TSPAN9: variants seen among roughly 807,000 people sequenced by gnomAD.
TSPAN9 encodes tetraspanin-9.
TSPAN9 carries 16 observed loss-of-function variants against 31.0 expected under a neutral mutation model. The ratio of observed to expected loss-of-function variants is 0.52; its 90% CI spans 0.35 to 0.78. The LOEUF (loss-of-function observed/expected upper bound fraction) is 0.78, where lower values mean the gene tolerates loss of function less well. Among genes scored for constraint, TSPAN9 ranks in the 30% least tolerant of loss-of-function variants. The pLI, the probability that TSPAN9 is intolerant of heterozygous loss-of-function variation, is 0.01. For synonymous variants in TSPAN9, 145 were observed against 121.6 expected (o/e 1.19, Z -1.27); for missense variants, 272 against 312.5 (o/e 0.87, Z 0.98).
chr12:3,209,653 AT>A (rs2098377289), intron 3 of TSPAN9, among the ~76,000 whole-genome samples: 1 of 151,776 alleles, frequency 6.6e-6, no homozygotes, highest in Non-Finnish European at 1.5e-5. Flanking sequence ...GCAATGTCAG[AT>A]TGCTATAAAC....
intron 2 of TSPAN9, among the ~76,000 whole-genome samples, chr12:3,190,512 C>T (rs988257694): frequency 6.6e-6 from 1 of 152,218 alleles, no homozygotes; most frequent in East Asian, 1.9e-4. Context: ...GTGGCTCTTA[C>T]TCCAGGCCCT....
At chr12:3,223,426 G>T (rs3825358) in intron 3 of TSPAN9, among the ~76,000 whole-genome samples, 8,767 of 152,258 alleles carry the variant, frequency 0.058, 339 homozygotes, top group Middle Eastern at 0.078. Flanking sequence ...TGTGGGACAG[G>T]GACCTCGTTT....
intron 8 of TSPAN9, chr12:3,282,235 C>G: frequency 1.8e-6 from 1 of 559,052 alleles, no homozygotes; most frequent in African/African-American, 1.9e-5. Flanking sequence ...TCCTGCACTC[C>G]TCTGGGTCCC....
intron 3 of TSPAN9, among the ~76,000 whole-genome samples, chr12:3,218,563 G>A (rs988533049): frequency 6.6e-6 from 1 of 152,214 alleles, no homozygotes; most frequent in Non-Finnish European, 1.5e-5. Context: ...GGGCCTGGCT[G>A]CCTTCCTGAG....
rs187635684 is a variant in TSPAN9, at chr12:3,153,682, T to A, written c.-17-47495T>A. 3.9e-5 allele frequency among the ~76,000 whole-genome samples: 6 copies of A among 152,312 alleles called. No homozygotes were observed. In the East Asian group the frequency reaches 1.2e-3, roughly 29 times the overall value. On this transcript the variant is annotated intron_variant, in intron 2 of 8. Coordinates refer to ENST00000011898, the MANE Select transcript of TSPAN9 (RefSeq NM_006675.5). The stretch of plus-strand genomic sequence containing the variant: ...GCACTAATACATTAATATGTTAATA[T>A]TATATATATGTGTGTGCGTGTGTGT...
In TSPAN9 at chr12:3,280,585, C is replaced by T. The variant is rs1862875839; in HGVS notation, c.432+102C>T. ...TGACCTGGCCGGGCACCTGTGCTTT[C>T]TGGATTTTAGCCGGGAGTGGAGTGG... On this transcript the variant is annotated intron_variant, in intron 6 of 8. Coordinates refer to ENST00000011898, the MANE Select transcript of TSPAN9 (RefSeq NM_006675.5). This position sits in a 1 kb window ranked among gnomAD's most constrained non-coding sequence, Gnocchi z 4.5. 2 of 1,134,948 alleles carry T rather than the reference C, an allele frequency of 1.8e-6. No homozygotes were observed. Among genetic ancestry groups the T allele is most frequent in the South Asian group, 2.7e-5 (2 of 73,402 alleles). The allele number at this position is 1,134,948 out of a possible 1,614,324, so 70.3% of individuals were successfully genotyped here. A position where few individuals can be genotyped will look rare whatever the true frequency, so the allele number is the denominator to read the frequency against.
chr12:3,269,113 T>C (rs879143310), intron 3 of TSPAN9, among the ~76,000 whole-genome samples: 2 of 42,784 alleles, frequency 4.7e-5, no homozygotes, highest in Admixed American at 2.4e-4. Context: ...GCCCTCCCTG[T>C]GTTCCTGCAG....
rs57009657 is a variant in TSPAN9, at chr12:3,107,116, C to T, written c.-18+23397C>T. On this transcript the variant is annotated intron_variant, in intron 2 of 8. Transcript: ENST00000011898. The surrounding 1 kb of genome is among the most constrained non-coding windows in gnomAD (Gnocchi z 4.1). Reference sequence around the variant, plus strand: ...CCGCCACCACCACCACTGCTGCCACCGCAGAGCACGAAATCATCACGGGGC... The same window carrying T: ...CCGCCACCACCACCACTGCTGCCACTGCAGAGCACGAAATCATCACGGGGC... Among the ~76,000 whole-genome samples the T allele has an allele frequency of 0.11, 16,813 of 152,168 alleles. 1,154 individuals carry two copies. Among genetic ancestry groups the T allele is most frequent in the East Asian group, 0.35 (1,811 of 5,152 alleles).
At chr12:3,253,842 C>T (rs569668191) in intron 3 of TSPAN9, among the ~76,000 whole-genome samples, 1 of 152,318 alleles carries the variant, frequency 6.6e-6, no homozygotes, top group East Asian at 1.9e-4. Context: ...GTGTGCCCTC[C>T]TGGCCAGGCA....
intron 2 of TSPAN9, among the ~76,000 whole-genome samples, chr12:3,189,894 G>A (rs181169059): frequency 2.3e-4 from 35 of 152,230 alleles, no homozygotes; most frequent in Admixed American, 3.9e-4. Context: ...AATGCACTGC[G>A]GGCCTTCGAG....
chr12:3,127,359 AAT>A (rs2098327800), intron 2 of TSPAN9, among the ~76,000 whole-genome samples: 1 of 148,770 alleles, frequency 6.7e-6, no homozygotes. Context: ...TTTAAAGAAA[AAT>A]TTTTTTTTTT....
intron 2 of TSPAN9, among the ~76,000 whole-genome samples, chr12:3,087,773 C>G (rs1423951353): frequency 6.6e-6 from 1 of 152,098 alleles, no homozygotes; most frequent in Non-Finnish European, 1.5e-5. Context: ...CCACTGCACT[C>G]CAGCCTGGGC....
At chr12:3,184,901 C>T (rs973994820) in intron 2 of TSPAN9, among the ~76,000 whole-genome samples, 2 of 152,196 alleles carry the variant, frequency 1.3e-5, no homozygotes, top group African/African-American at 4.8e-5. Flanking sequence ...TGCAGTGTAA[C>T]TGTCCTGCTG....
Position 3,109,268 on chromosome 12 carries a change from C to CTGTGTGTGTGTGTGTGTGTGTGTG in TSPAN9, c.-18+25558_-18+25581dup, listed in dbSNP as rs1226380985. On this transcript the variant is annotated intron_variant, in intron 2 of 8. Coordinates refer to ENST00000011898, the MANE Select transcript of TSPAN9 (RefSeq NM_006675.5). ...AGGATTCTTTACTGTTTCATATAGT[C>CTGTGTGTGTGTGTGTGTGTGTGTG]TGTGTGTGTGTGTGTGTGTGTGTGT... 1.7e-3 allele frequency among the ~76,000 whole-genome samples: 207 copies of CTGTGTGTGTGTGTGTGTGTGTGTG among 119,292 alleles called. 2 individuals carry two copies. The highest frequency in any genetic ancestry group is 7.2e-3 in the African/African-American group (192 of 26,762). 78.3% of individuals were successfully genotyped at this position (119,292 alleles called of 152,430 possible).
At chr12:3,231,867 T>C (rs6489447) in intron 3 of TSPAN9, among the ~76,000 whole-genome samples, 145,606 of 152,314 alleles carry the variant, frequency 0.96, 69,850 homozygotes, top group South Asian at 0.99. Flanking sequence ...GCCACCTTGC[T>C]CCTGACGCTC....
At chr12:3,098,754 CTCT>C (rs1322285027) in intron 2 of TSPAN9, among the ~76,000 whole-genome samples, 1 of 148,220 alleles carries the variant, frequency 6.7e-6, no homozygotes, top group African/African-American at 2.5e-5. Context: ...TTCTCTCTCT[CTCT>C]TTTTTTTTTT....
At position 3,187,794 on chromosome 12, in the gene TSPAN9, T is replaced by C. The variant is rs1248633036; in HGVS notation, c.-17-13383T>C. Among the ~76,000 whole-genome samples the C allele has an allele frequency of 6.6e-6, 1 of 151,928 alleles. No individual in the cohort carries two copies. The highest frequency in any genetic ancestry group is 1.5e-5 in the Non-Finnish European group (1 of 67,984). ...CCATGCAAGCCCAACACGTACCCCT[T>C]CTCCAAGAAGCCCTTCCTGATGGGC... On this transcript the variant is annotated intron_variant, in intron 2 of 8. Transcript: ENST00000011898. The surrounding 1 kb of genome is among the most constrained non-coding windows in gnomAD (Gnocchi z 5.2).
chr12:3,130,489 G>A (rs1321446560), intron 2 of TSPAN9, among the ~76,000 whole-genome samples: 2 of 152,180 alleles, frequency 1.3e-5, no homozygotes, highest in Non-Finnish European at 2.9e-5. Context: ...GACAGCAGAG[G>A]GTGGGAGCTG....
intron 2 of TSPAN9, among the ~76,000 whole-genome samples, chr12:3,095,127 C>A (rs1349437394): frequency 2.0e-5 from 2 of 97,652 alleles, no homozygotes; most frequent in Non-Finnish European, 2.1e-5. Context: ...CTTGCACCGC[C>A]CTTAATCCAT....
Sources: allele counts gnomAD v4.1 joint callset (sites outside exome capture counted in the v4.1 genomes callset), GRCh38; gene constraint gnomAD v4.1.1; non-coding constraint Gnocchi (gnomAD v3.1); transcripts MANE v1.5; gene names NCBI Gene and HGNC (gene_info 2026-07-23, HGNC 2026-07-21).